The following KCNQ4 variants were observed in gnomAD, a reference collection of about 807,000 sequenced individuals.
KCNQ4 encodes potassium voltage-gated channel subfamily Q member 4.
A neutral mutation model predicts 72.6 loss-of-function variants in KCNQ4; 31 were observed. The ratio of observed to expected loss-of-function variants is 0.43; its 90% CI spans 0.32 to 0.58. The LOEUF (loss-of-function observed/expected upper bound fraction) is 0.58. Ranked by LOEUF, KCNQ4 falls within the 20% of genes least tolerant of loss-of-function variation. KCNQ4 has a pLI of 0.08. For missense variants in KCNQ4, 869 were observed against 962.6 expected, an observed-to-expected ratio of 0.90 and a Z score of 1.29; for synonymous variants, 405 against 403.7, an observed-to-expected ratio of 1.00 and a Z score of -0.04.
chr1:40,831,127 C>T lies in KCNQ4; in HGVS notation c.1336C>T (p.Gln446Ter), dbSNP rs1648630716. Residue 446 changes from glutamine (Q) to a stop codon, truncating the protein, a stop_gained, in exon 10 of 14, where the codon CAG (glutamine) becomes TAG (stop). Coordinates refer to ENST00000347132, the MANE Select transcript of KCNQ4 (RefSeq NM_004700.4). LOFTEE classifies it high-confidence loss of function. Reference protein sequence around the residue: ...IKDRIRMGSSQRRTGPSKQHL... With the variant: ...IKDRIRMGSS Reference sequence around the variant, plus strand: ...AGACCGCATCCGCATGGGCAGCTCCCAGCGGCGGACGGGTCCTTCCAAGCA... The same window carrying T: ...AGACCGCATCCGCATGGGCAGCTCCTAGCGGCGGACGGGTCCTTCCAAGCA... 1 of 1,609,764 alleles carries T rather than the reference C, an allele frequency of 6.2e-7. No individual in the cohort carries two copies. Among genetic ancestry groups the T allele is most frequent in the Non-Finnish European group, 8.5e-7 (1 of 1,178,344 alleles).
At position 40,804,131 on chromosome 1, in the gene KCNQ4, C is replaced by T. The variant is rs1000403692; in HGVS notation, c.315-13134C>T. ...AGGACAGAAGGCTCCTTTGAGGTTA[C>T]CCTGACCCCTGCCAGGTTCAAGTAG... On this transcript the variant is annotated intron_variant, in intron 1 of 13. Transcript: ENST00000347132. Among the ~76,000 whole-genome samples, 3 of 152,216 alleles carry T rather than the reference C, an allele frequency of 2.0e-5. No homozygotes were observed. The East Asian group carries it at 5.8e-4, about 29-fold the overall frequency.
chr1:40,795,400 C>A (rs2149033), intron 1 of KCNQ4, among the ~76,000 whole-genome samples: 1 of 151,580 alleles, frequency 6.6e-6, no homozygotes. Context: ...TAGCTGAGAC[C>A]GCAGGTGCAC....
Position 40,831,112 on chromosome 1 carries a change from C to T in KCNQ4, c.1321C>T (p.Arg441Cys), listed in dbSNP as rs764251838. 28 of 1,605,342 alleles carry T rather than the reference C, an allele frequency of 1.7e-5. No individual in the cohort carries two copies. The highest frequency in any genetic ancestry group is 3.3e-4 in the Middle Eastern group (2 of 6,068). The change falls in exon 10 of 14, where the codon CGC (arginine) becomes TGC (cysteine). Residue 441 changes from arginine to cysteine, a missense_variant. Around this residue, in one of 5 missense-constraint regions of KCNQ4, gnomAD observed 480 missense variants for 501.9 expected, o/e 0.96. Coordinates refer to ENST00000347132, the MANE Select transcript of KCNQ4 (RefSeq NM_004700.4). ...CCGGATGGGCATCAAAGACCGCATC[C>T]GCATGGGCAGCTCCCAGCGGCGGAC... ...SSRMGIKDRI[R>C]MGSSQRRTGP...
At chr1:40,816,656 A>G (rs1384191827) in intron 1 of KCNQ4, among the ~76,000 whole-genome samples, 1 of 152,114 alleles carries the variant, frequency 6.6e-6, no homozygotes, top group Non-Finnish European at 1.5e-5. Context: ...CCAGCTCCAC[A>G]CTGCCCAATT....
rs749280996 is a variant in KCNQ4, at chr1:40,822,301, C to T, written c.1042-13C>T. ...CACTGATGCCCCATCCCCCACGTCC[C>T]CCATACCACCAGGCTGCCTGGCGCC... On this transcript the variant is annotated splice_polypyrimidine_tract_variant and intron_variant, in intron 7 of 13. Transcript: ENST00000347132. 64 of 1,612,794 alleles carry T rather than the reference C, an allele frequency of 4.0e-5. No homozygotes were observed. In the East Asian group the frequency reaches 7.4e-4, roughly 19 times the overall value.
intron 1 of KCNQ4, among the ~76,000 whole-genome samples, chr1:40,787,321 A>T (rs1647212770): frequency 1.3e-5 from 2 of 152,136 alleles, no homozygotes; most frequent in Non-Finnish European, 2.9e-5. Flanking sequence ...GTGAACTGTG[A>T]TTGCACCACT....
chr1:40,799,246 G>A (rs1162175882), intron 1 of KCNQ4, among the ~76,000 whole-genome samples: 1 of 152,238 alleles, frequency 6.6e-6, no homozygotes, highest in African/African-American at 2.4e-5. Flanking sequence ...ACTGATGGAG[G>A]TGCAGTGCTA....
chr1:40,837,560 G>A, intron 12 of KCNQ4, 105 bp from the exon 13 acceptor site: 1 of 1,417,890 alleles, frequency 7.1e-7, no homozygotes, highest in East Asian at 2.3e-5. Flanking sequence ...CCCTCAGATT[G>A]CCTGTCCCCT....
At chr1:40,825,181 C>G (rs1030933347) in intron 9 of KCNQ4, among the ~76,000 whole-genome samples, 1 of 152,158 alleles carries the variant, frequency 6.6e-6, no homozygotes, top group Non-Finnish European at 1.5e-5. Flanking sequence ...TGTTTTGTCT[C>G]ATCTTCACAC....
chr1:40,831,481 A>G (rs1176218672), intron 10 of KCNQ4, among the ~76,000 whole-genome samples, 177 bp downstream of exon 10: 1 of 152,220 alleles, frequency 6.6e-6, no homozygotes, highest in Non-Finnish European at 1.5e-5. Flanking sequence ...GCTCTGCTAT[A>G]CAATGGACAT....
Position 40,824,208 on chromosome 1 carries a change from C to T in KCNQ4, c.1242C>T (p.Pro414=), listed in dbSNP as rs759051302. The part of the protein sequence containing the change: ...VPDGAPSRYP[P]VATCHRPGST... ...ACGGAGCACCCTCCCGTTACCCGCC[C>T]GTTGCCACCTGCCACCGGCCGGGCA... Residue 414 remains proline (P), a synonymous_variant, in exon 9 of 14, where the codon CCC becomes CCT. Coordinates refer to ENST00000347132, the MANE Select transcript of KCNQ4 (RefSeq NM_004700.4). 8.1e-6 allele frequency: 13 copies of T among 1,602,290 alleles called. No homozygotes were observed. The highest frequency in any genetic ancestry group is 4.5e-5 in the East Asian group (2 of 44,158).
intron 1 of KCNQ4, among the ~76,000 whole-genome samples, chr1:40,801,761 G>C (rs1383324010): frequency 6.6e-6 from 1 of 152,204 alleles, no homozygotes. Context: ...AGGAGAAGGG[G>C]TCCCATGCCC....
intron 9 of KCNQ4, chr1:40,826,583 G>T: frequency 4.6e-6 from 2 of 437,162 alleles, no homozygotes; most frequent in South Asian, 3.1e-5. Flanking sequence ...CCCACACTCT[G>T]CCCACAGCCC....
At chr1:40,811,206 A>G (rs1305242446) in intron 1 of KCNQ4, among the ~76,000 whole-genome samples, 4 of 152,144 alleles carry the variant, frequency 2.6e-5, no homozygotes, top group Non-Finnish European at 5.9e-5. Flanking sequence ...AGTTATGGTT[A>G]TTACTTCAGG....
intron 1 of KCNQ4, among the ~76,000 whole-genome samples, chr1:40,806,066 C>T (rs1467690432): frequency 6.6e-6 from 1 of 152,210 alleles, no homozygotes; most frequent in Non-Finnish European, 1.5e-5. Flanking sequence ...TGGTCTCGAT[C>T]TCCTGACCTC....
At chr1:40,792,029 C>T (rs1217535708) in intron 1 of KCNQ4, among the ~76,000 whole-genome samples, 2 of 145,756 alleles carry the variant, frequency 1.4e-5, no homozygotes. Context: ...CCAACTTTGG[C>T]GGGGTGTGGG....
At chr1:40,799,438 C>G (rs138800541) in intron 1 of KCNQ4, among the ~76,000 whole-genome samples, 4 of 150,994 alleles carry the variant, frequency 2.6e-5, no homozygotes, top group South Asian at 2.1e-4. Context: ...CCATGCCCCC[C>G]CCCTCGCTAG....
intron 1 of KCNQ4, among the ~76,000 whole-genome samples, chr1:40,801,797 G>A (rs1015326311): frequency 1.3e-5 from 2 of 152,212 alleles, no homozygotes; most frequent in Non-Finnish European, 2.9e-5. Context: ...GGGAGCACCT[G>A]TCTCTGTAAG....
At chr1:40,830,552 G>A (rs1432356667) in intron 9 of KCNQ4, among the ~76,000 whole-genome samples, 2 of 152,106 alleles carry the variant, frequency 1.3e-5, no homozygotes, top group African/African-American at 2.4e-5. Context: ...ACTCGCACAT[G>A]TGTGTGCACA....
Sources: gnomAD v4.1 joint callset for allele counts (sites outside exome capture counted in the v4.1 genomes callset) on GRCh38, gnomAD v4.1.1 for gene constraint, gnomAD v4.1.1 regional missense constraint, MANE v1.5 for transcripts, NCBI Gene and HGNC (gene_info 2026-07-23, HGNC 2026-07-21) for gene names.